The following FREM2 variants were observed in gnomAD, a reference collection of about 807,000 sequenced individuals.
FREM2 encodes the protein FRAS1-related extracellular matrix protein 2.
In FREM2, 119 loss-of-function variants were observed where a neutral mutation model predicts 219.9. The ratio of observed to expected loss-of-function variants is 0.54; its 90% confidence interval spans 0.47 to 0.63. The LOEUF (loss-of-function observed/expected upper bound fraction) is 0.63. FREM2 is among the 30% of genes least tolerant of loss of function. The pLI, the probability that FREM2 is intolerant of heterozygous loss-of-function variation, is 0.00. For synonymous variants in FREM2, 1,562 were observed against 1,522.8 expected (o/e 1.03, Z -0.60); for missense variants, 4,030 against 3,993.6 (o/e 1.01, Z -0.25).
At position 38,856,215 on chromosome 13, in the gene FREM2, G is replaced by A. The variant is rs1877554565; in HGVS notation, c.7015G>A (p.Val2339Ile). 2.5e-6 allele frequency: 4 copies of A among 1,612,952 alleles called. No individual in the cohort carries two copies. Among genetic ancestry groups the A allele is most frequent in the Admixed American group, 3.3e-5 (2 of 60,014 alleles). The part of the protein sequence containing the change: ...GVREMREAFT[V>I]HLKPDENMIA... ...GAGAGAGATGAGAGAGGCCTTCACTGTTCACCTAAAACCTGATGAAAATAT... is the reference window on the plus strand; with the variant it reads ...GAGAGAGATGAGAGAGGCCTTCACTATTCACCTAAAACCTGATGAAAATAT... The change falls in exon 12 of 24, where the codon GTT (valine) becomes ATT (isoleucine). Residue 2339 changes from valine to isoleucine, a missense_variant. Physicochemically the swap from Val to Ile is conservative, Grantham distance 29. Coordinates refer to ENST00000280481, the MANE Select transcript of FREM2 (RefSeq NM_207361.6).
chr13:38,861,413 G>A lies in FREM2; in HGVS notation c.7520-18G>A. The A allele has an allele frequency of 6.3e-7, 1 of 1,593,422 alleles. No individual in the cohort carries two copies. The highest frequency in any genetic ancestry group is 8.6e-7 in the Non-Finnish European group (1 of 1,166,530). On this transcript the variant is annotated intron_variant, in intron 14 of 23. Transcript: ENST00000280481. ...ATTACCTTCTTTTCGCATAAATATG[G>A]TCTTTTTTTTTTTCAAGGTCTTTGT...
intron 6 of FREM2, among the ~76,000 whole-genome samples, chr13:38,830,563 C>T (rs1876467831): frequency 6.6e-6 from 1 of 152,186 alleles, no homozygotes; most frequent in Non-Finnish European, 1.5e-5. Context: ...TAAAAATCAG[C>T]GTTGACTCCC....
At chr13:38,840,731 TACAC>T (rs373084826) in intron 6 of FREM2, among the ~76,000 whole-genome samples, 3 of 150,054 alleles carry the variant, frequency 2.0e-5, no homozygotes, top group East Asian at 2.0e-4. Flanking sequence ...TATATATATA[TACAC>T]ACACACACAC....
intron 2 of FREM2, among the ~76,000 whole-genome samples, chr13:38,741,961 A>C (rs1320361658): frequency 6.6e-6 from 1 of 152,142 alleles, no homozygotes; most frequent in African/African-American, 2.4e-5. Flanking sequence ...AAAAAAATAC[A>C]TGTTGAGCAG....
At position 38,784,372 on chromosome 13, in the gene FREM2, T is replaced by C. The variant is rs2483422; in HGVS notation, c.5768-185T>C. ...AAATGTAATATTCCTTATAGGTGTA[T>C]AGGTTTGAGGTCACTCTCAAGTTGA... On this transcript the variant is annotated intron_variant, in intron 5 of 23. Coordinates refer to ENST00000280481, the MANE Select transcript of FREM2 (RefSeq NM_207361.6). Among the ~76,000 whole-genome samples, 7,724 of 152,282 alleles carry C rather than the reference T, an allele frequency of 0.051. 687 individuals are homozygous for C. The highest frequency in any genetic ancestry group is 0.18 in the African/African-American group (7,288 of 41,526).
intron 16 of FREM2, among the ~76,000 whole-genome samples, chr13:38,871,167 A>G (rs1878144101): frequency 6.6e-6 from 1 of 152,206 alleles, no homozygotes; most frequent in African/African-American, 2.4e-5. Context: ...TATACTATAC[A>G]GCTAAGAATG....
intron 11 of FREM2, among the ~76,000 whole-genome samples, 200 bp downstream of exon 11, chr13:38,852,068 T>C (rs903372221): frequency 1.3e-5 from 2 of 152,194 alleles, no homozygotes; most frequent in Non-Finnish European, 2.9e-5. Flanking sequence ...AGTCTTTTAG[T>C]ATCTCCATCC....
intron 5 of FREM2, among the ~76,000 whole-genome samples, 175 bp downstream of exon 5, chr13:38,783,370 C>G (rs1042959967): frequency 1.3e-5 from 2 of 151,360 alleles, no homozygotes; most frequent in African/African-American, 4.9e-5. Flanking sequence ...GACGAGTCCT[C>G]TTTCTGATTT....
intron 4 of FREM2, among the ~76,000 whole-genome samples, chr13:38,780,116 C>T (rs967022496): frequency 6.6e-6 from 1 of 152,222 alleles, no homozygotes; most frequent in Non-Finnish European, 1.5e-5. Context: ...TCTCCACTGA[C>T]ATCCATGATT....
chr13:38,879,472 G>C (rs919755449), intron 23 of FREM2, among the ~76,000 whole-genome samples: 1 of 152,144 alleles, frequency 6.6e-6, no homozygotes, highest in Non-Finnish European at 1.5e-5. Flanking sequence ...CTGACTCAGG[G>C]ATCAAAGGTG....
chr13:38,780,805 A>T (rs1445843708), intron 4 of FREM2, among the ~76,000 whole-genome samples: 1 of 152,108 alleles, frequency 6.6e-6, no homozygotes, highest in Non-Finnish European at 1.5e-5. Context: ...TGCACCTCTA[A>T]CCATAGGATA....
chr13:38,781,816 G>A (rs1874128926), intron 4 of FREM2, among the ~76,000 whole-genome samples: 1 of 152,172 alleles, frequency 6.6e-6, no homozygotes, highest in Non-Finnish European at 1.5e-5. Flanking sequence ...AATGAGAGCA[G>A]CCCCATCACC....
At chr13:38,795,214 G>A (rs1874721857) in intron 6 of FREM2, among the ~76,000 whole-genome samples, 1 of 151,982 alleles carries the variant, frequency 6.6e-6, no homozygotes, top group Admixed American at 6.6e-5. Flanking sequence ...AGAAGGAGAT[G>A]TTTCTGAGGG....
Position 38,864,530 on chromosome 13 carries a change from T to C in FREM2, c.7907T>C (p.Leu2636Ser). 6 of 1,614,226 alleles carry C rather than the reference T, an allele frequency of 3.7e-6. No homozygotes were observed. The highest frequency in any genetic ancestry group is 5.1e-6 in the Non-Finnish European group (6 of 1,180,030). The change falls in exon 16 of 24, where the codon TTA (leucine) becomes TCA (serine). Residue 2636 changes from leucine to serine, a missense_variant. This residue lies in a region of FREM2 where 928 missense variants were observed against 1,042.9 expected (regional missense o/e 0.89). Transcript: ENST00000280481. ...FYRNLNLEAC[L>S]WEFVSYYDMS... The stretch of plus-strand genomic sequence containing the variant: ...CGGAACCTGAACCTAGAGGCCTGTT[T>C]ATGGGAGTTCGTTAGCTACTATGAC...
Position 38,881,171 on chromosome 13 carries a change from C to A in FREM2, c.*384C>A. 3.4e-6 allele frequency: 1 copy of A among 290,732 alleles called. No individual in the cohort carries two copies. Among genetic ancestry groups the A allele is most frequent in the Non-Finnish European group, 6.6e-6 (1 of 151,360 alleles). 18.0% of individuals were successfully genotyped at this position (290,732 alleles called of 1,614,324 possible). On this transcript the variant is annotated 3_prime_UTR_variant, in exon 24 of 24. Coordinates refer to ENST00000280481, the MANE Select transcript of FREM2 (RefSeq NM_207361.6). ...TATGTTAGTGTGAATGTTGAAGGTG[C>A]AATTATCACATTGTTTATTAATTGT...
At chr13:38,847,279 C>G (rs9594302) in intron 7 of FREM2, among the ~76,000 whole-genome samples, 10,384 of 151,716 alleles carry the variant, frequency 0.068, 684 homozygotes, top group African/African-American at 0.18. Flanking sequence ...TTACAGCAAG[C>G]ATAGAATTCA....
chr13:38,835,046 T>C (rs1243293314), intron 6 of FREM2, among the ~76,000 whole-genome samples: 1 of 152,244 alleles, frequency 6.6e-6, no homozygotes, highest in East Asian at 1.9e-4. Context: ...TGAGTGGTAC[T>C]GACTAGGTTT....
chr13:38,782,913 T>C (rs1874172120), intron 4 of FREM2, among the ~76,000 whole-genome samples, 157 bp from the exon 5 acceptor site: 1 of 152,248 alleles, frequency 6.6e-6, no homozygotes, highest in African/African-American at 2.4e-5. Flanking sequence ...ACCCACTTCT[T>C]TTCCCCTCTC....
intron 2 of FREM2, among the ~76,000 whole-genome samples, chr13:38,705,596 C>T (rs1459576680): frequency 6.6e-6 from 1 of 152,142 alleles, no homozygotes; most frequent in Non-Finnish European, 1.5e-5. Flanking sequence ...GAGACTTCCT[C>T]AGCCTCAGTT....
Sources: allele counts gnomAD v4.1 joint callset (sites outside exome capture counted in the v4.1 genomes callset), GRCh38; gene constraint gnomAD v4.1.1; regional missense constraint gnomAD v4.1.1; transcripts MANE v1.5; gene names NCBI Gene and HGNC (gene_info 2026-07-23, HGNC 2026-07-21).